MARCHF8: variants seen among roughly 807,000 people sequenced by gnomAD.
The protein encoded by MARCHF8 is membrane associated ring-CH-type finger 8.
MARCHF8 carries 40 observed loss-of-function variants against 51.6 expected under a neutral mutation model. The ratio of observed to expected loss-of-function variants is 0.77; its 90% confidence interval spans 0.60 to 1.01. The LOEUF (loss-of-function observed/expected upper bound fraction) is 1.01, where lower values mean the gene tolerates loss of function less well. MARCHF8 is among the 50% of genes least tolerant of loss of function. The probability of loss-of-function intolerance (pLI) is 0.00; values close to 1 mark genes in which losing one functional copy is unlikely to be tolerated. For synonymous variants in MARCHF8, 263 were observed against 280.3 expected, an observed-to-expected ratio of 0.94 and a Z score of 0.62; for missense variants, 685 against 708.6, an observed-to-expected ratio of 0.97 and a Z score of 0.38.
chr10:45,483,011 AACATAAG>A (rs1435130423), intron 3 of MARCHF8, among the ~76,000 whole-genome samples: 1 of 152,180 alleles, frequency 6.6e-6, no homozygotes, highest in African/African-American at 2.4e-5. Flanking sequence ...TAAACACTCA[AACATAAG>A]ACCTGAAACT....
At chr10:45,563,499 G>GT (rs1233720183) in intron 1 of MARCHF8, among the ~76,000 whole-genome samples, 1 of 152,112 alleles carries the variant, frequency 6.6e-6, no homozygotes, top group Non-Finnish European at 1.5e-5. Context: ...CTTTGTTAAC[G>GT]TAAGTCTATG....
In MARCHF8 at chr10:45,463,185, T is replaced by TG. The variant is rs1564463736; in HGVS notation, c.1053dup (p.Ile352HisfsTer17). 26 of 1,550,392 alleles carry TG rather than the reference T, an allele frequency of 1.7e-5. No individual in the cohort carries two copies. The highest frequency in any genetic ancestry group is 2.3e-5 in the Non-Finnish European group (26 of 1,146,958). ...TCCCCTGACGTGGACACGGGAGATA[T>TG]GGGGGGTAATTTTTCAGAGAAGGGA... On this transcript the variant is annotated frameshift_variant, in exon 5 of 8. Coordinates refer to ENST00000453424, the MANE Select transcript of MARCHF8 (RefSeq NM_001282866.2). LOFTEE classifies it high-confidence loss of function.
chr10:45,589,085 T>TACAC (rs1439534275), intron 1 of MARCHF8, among the ~76,000 whole-genome samples: 1 of 149,486 alleles, frequency 6.7e-6, no homozygotes, highest in East Asian at 2.0e-4. Flanking sequence ...ATTTAAAAAA[T>TACAC]ACACATTGCA....
chr10:45,578,396 G>C (rs1182116313), intron 1 of MARCHF8, among the ~76,000 whole-genome samples: 1 of 152,144 alleles, frequency 6.6e-6, no homozygotes, highest in Non-Finnish European at 1.5e-5. Context: ...ACAGTAATGA[G>C]TTACAGACCA....
chr10:45,552,619 A>C (rs1474058097), intron 1 of MARCHF8, among the ~76,000 whole-genome samples: 3 of 152,240 alleles, frequency 2.0e-5, no homozygotes, highest in Non-Finnish European at 2.9e-5. Flanking sequence ...ACGTATTCTC[A>C]TAGTCTGACC....
chr10:45,573,166 C>T, intron 1 of MARCHF8, among the ~76,000 whole-genome samples: 1 of 152,192 alleles, frequency 6.6e-6, no homozygotes, highest in Non-Finnish European at 1.5e-5. Context: ...AGACTCTTTA[C>T]AGCCCTAGAC....
At chr10:45,537,392 C>G (rs1415685178), upstream of MARCHF8, among the ~76,000 whole-genome samples, 6 of 152,142 alleles carry the variant, frequency 3.9e-5, no homozygotes, top group African/African-American at 1.2e-4. Context: ...GTGGTTCGCG[C>G]CTATAACACC....
intron 2 of MARCHF8, among the ~76,000 whole-genome samples, chr10:45,493,373 C>T (rs10793618): frequency 0.77 from 116,781 of 152,126 alleles, 44,990 homozygotes; most frequent in Middle Eastern, 0.81. Flanking sequence ...GATACCACCA[C>T]CTTGTGACCC....
At chr10:45,525,424 T>C (rs2043774793) in intron 2 of MARCHF8, among the ~76,000 whole-genome samples, 1 of 152,224 alleles carries the variant, frequency 6.6e-6, no homozygotes, top group Non-Finnish European at 1.5e-5. Context: ...TCAGGATCCC[T>C]TTATCAAGGA....
intron 1 of MARCHF8, among the ~76,000 whole-genome samples, chr10:45,585,018 G>A (rs1333915009): frequency 6.6e-6 from 1 of 152,156 alleles, no homozygotes; most frequent in Non-Finnish European, 1.5e-5. Context: ...AGAAAAGAAT[G>A]CAGTCCTACT....
chr10:45,527,273 A>C (rs963804383), intron 2 of MARCHF8, among the ~76,000 whole-genome samples: 2 of 152,184 alleles, frequency 1.3e-5, no homozygotes, highest in Non-Finnish European at 2.9e-5. Context: ...GAAATGATGA[A>C]GAGCAGAACT....
At chr10:45,512,956 G>C (rs1450324065) in intron 2 of MARCHF8, among the ~76,000 whole-genome samples, 1 of 151,712 alleles carries the variant, frequency 6.6e-6, no homozygotes, top group Non-Finnish European at 1.5e-5. Context: ...AACATGTGCT[G>C]TGTCCACTCA....
intron 1 of MARCHF8, among the ~76,000 whole-genome samples, chr10:45,584,809 T>C (rs1018298718): frequency 6.6e-6 from 1 of 151,996 alleles, no homozygotes; most frequent in Non-Finnish European, 1.5e-5. Context: ...ATGAGAGAGA[T>C]TCAACCTCCT....
At chr10:45,503,695 A>T (rs1055689231) in intron 2 of MARCHF8, among the ~76,000 whole-genome samples, 16 of 152,150 alleles carry the variant, frequency 1.1e-4, no homozygotes, top group Non-Finnish European at 2.2e-4. Flanking sequence ...CACAAATAAA[A>T]ATTTCCAAAA....
At chr10:45,533,463 A>G (rs1380320812) in intron 1 of MARCHF8, among the ~76,000 whole-genome samples, 174 bp from the exon 2 acceptor site, 4 of 152,216 alleles carry the variant, frequency 2.6e-5, no homozygotes, top group Non-Finnish European at 5.9e-5. Context: ...GAAAATTCTA[A>G]CATTTCTCAT....
At chr10:45,468,911 C>T (rs1391404935) in intron 3 of MARCHF8, among the ~76,000 whole-genome samples, 2 of 152,102 alleles carry the variant, frequency 1.3e-5, no homozygotes, top group Non-Finnish European at 2.9e-5. Flanking sequence ...CACAGGATGA[C>T]AACTGCCCTC....
intron 3 of MARCHF8, among the ~76,000 whole-genome samples, chr10:45,481,204 G>A (rs984350078): frequency 1.3e-5 from 2 of 152,228 alleles, no homozygotes; most frequent in Admixed American, 1.3e-4. Flanking sequence ...TCCAGTGCCT[G>A]TGCCCCCATT....
At chr10:45,476,301 C>T (rs1021747778) in intron 3 of MARCHF8, among the ~76,000 whole-genome samples, 1 of 152,164 alleles carries the variant, frequency 6.6e-6, no homozygotes, top group Non-Finnish European at 1.5e-5. Context: ...TGGTGACTCT[C>T]ACCTGTAATC....
At chr10:45,545,830 G>C (rs2133321787) in intron 1 of MARCHF8, among the ~76,000 whole-genome samples, 1 of 152,218 alleles carries the variant, frequency 6.6e-6, no homozygotes, top group East Asian at 1.9e-4. Context: ...AGGAAAGAAG[G>C]CTCCCCCTGC....
Sources: allele counts gnomAD v4.1 joint callset (sites outside exome capture counted in the v4.1 genomes callset), GRCh38; gene constraint gnomAD v4.1.1; transcripts MANE v1.5; gene names NCBI Gene and HGNC (gene_info 2026-07-23, HGNC 2026-07-21).